The following PIGK variants were observed in gnomAD, a reference collection of about 807,000 sequenced individuals.
PIGK encodes GPI-anchor transamidase.
In PIGK, 42 loss-of-function variants were observed where a neutral mutation model predicts 50.6. That is an observed-to-expected ratio of 0.83 (90% CI 0.65 to 1.07). The LOEUF is 1.07. Among genes scored for constraint, PIGK ranks in the 50% least tolerant of loss-of-function variants. PIGK has a pLI of 0.00. For missense variants in PIGK, 448 were observed against 488.7 expected, an observed-to-expected ratio of 0.92 and a Z score of 0.78; for synonymous variants, 151 against 156.0, an observed-to-expected ratio of 0.97 and a Z score of 0.24.
intron 9 of PIGK, among the ~76,000 whole-genome samples, chr1:77,144,496 G>C (rs1442766948): frequency 6.6e-6 from 1 of 151,714 alleles, no homozygotes; most frequent in African/African-American, 2.4e-5. Context: ...ACATATTTAA[G>C]AATATTAATA....
intron 10 of PIGK, among the ~76,000 whole-genome samples, chr1:77,113,352 G>A (rs1172741857): frequency 4.6e-5 from 7 of 151,982 alleles, no homozygotes; most frequent in African/African-American, 1.7e-4. Context: ...ATTCTTTAGG[G>A]ATGTTTGTAT....
chr1:77,202,419 T>C (rs1214007395), intron 3 of PIGK, among the ~76,000 whole-genome samples: 1 of 151,954 alleles, frequency 6.6e-6, no homozygotes, highest in Non-Finnish European at 1.5e-5. Context: ...ATCAGAAAAC[T>C]AGAGGGGAAG....
intron 3 of PIGK, among the ~76,000 whole-genome samples, chr1:77,194,165 T>C (rs1322209532): frequency 2.0e-5 from 3 of 152,114 alleles, no homozygotes; most frequent in Non-Finnish European, 2.9e-5. Context: ...ATGACTATTA[T>C]GAAGTCAAAA....
At chr1:77,147,742 C>G (rs1654803774) in intron 9 of PIGK, among the ~76,000 whole-genome samples, 1 of 152,198 alleles carries the variant, frequency 6.6e-6, no homozygotes, top group Non-Finnish European at 1.5e-5. Flanking sequence ...TGTTTAAAAT[C>G]AAGTTACCTA....
intron 3 of PIGK, among the ~76,000 whole-genome samples, chr1:77,180,188 T>C (rs1316810069): frequency 2.0e-5 from 3 of 152,208 alleles, no homozygotes; most frequent in African/African-American, 7.2e-5. Context: ...CCATGCATGA[T>C]GATTCAACTC....
chr1:77,095,465 G>A (rs1162833314), intron 10 of PIGK, among the ~76,000 whole-genome samples: 1 of 152,136 alleles, frequency 6.6e-6, no homozygotes, highest in African/African-American at 2.4e-5. Context: ...TTATGCAGTA[G>A]AAAGATGGCT....
At chr1:77,165,995 T>C (rs182248563) in intron 5 of PIGK, among the ~76,000 whole-genome samples, 1 of 152,156 alleles carries the variant, frequency 6.6e-6, no homozygotes, top group East Asian at 1.9e-4. Flanking sequence ...GCAGGCAAAG[T>C]GGACTGAAAA....
intron 1 of PIGK, among the ~76,000 whole-genome samples, chr1:77,214,490 G>C (rs1656505514): frequency 6.6e-6 from 1 of 152,034 alleles, no homozygotes; most frequent in African/African-American, 2.4e-5. Flanking sequence ...ATTGGGTATA[G>C]AAGGAACACA....
At chr1:77,125,282 T>C (rs1229669106) in intron 9 of PIGK, among the ~76,000 whole-genome samples, 1 of 152,220 alleles carries the variant, frequency 6.6e-6, no homozygotes, top group African/African-American at 2.4e-5. Context: ...ACGGAAACAT[T>C]TAAAAGTGAG....
chr1:77,148,626 G>C (rs1654822927), intron 9 of PIGK, among the ~76,000 whole-genome samples: 1 of 151,994 alleles, frequency 6.6e-6, no homozygotes, highest in African/African-American at 2.4e-5. Flanking sequence ...TGTCGGGGGA[G>C]AGGGAGTTAA....
At chr1:77,208,942 T>C (rs913950373) in intron 2 of PIGK, among the ~76,000 whole-genome samples, 6 of 152,188 alleles carry the variant, frequency 3.9e-5, no homozygotes, top group Non-Finnish European at 7.4e-5. Context: ...AAGTTAATTA[T>C]AGTCTTGCAT....
intron 5 of PIGK, 54 bp from the exon 6 acceptor site, chr1:77,163,996 T>A: frequency 1.1e-6 from 1 of 900,380 alleles, no homozygotes; most frequent in South Asian, 1.5e-5. Flanking sequence ...ACTGCATATA[T>A]CTAGATATAT....
intron 10 of PIGK, among the ~76,000 whole-genome samples, chr1:77,108,710 C>T (rs776023106): frequency 8.1e-4 from 124 of 152,282 alleles, no homozygotes; most frequent in Non-Finnish European, 1.3e-3. Flanking sequence ...CCATTCTCCC[C>T]GTCACTTTCA....
intron 10 of PIGK, among the ~76,000 whole-genome samples, chr1:77,101,718 T>C (rs1269941381): frequency 1.3e-5 from 2 of 152,092 alleles, no homozygotes; most frequent in Non-Finnish European, 2.9e-5. Flanking sequence ...TAAAAAATAT[T>C]CTTTTGGCCA....
intron 10 of PIGK, among the ~76,000 whole-genome samples, chr1:77,093,370 A>G (rs1434976903): frequency 6.6e-6 from 1 of 152,054 alleles, no homozygotes; most frequent in East Asian, 1.9e-4. Flanking sequence ...CAGCCTTGTA[A>G]TTGGAAGTTT....
intron 1 of PIGK, among the ~76,000 whole-genome samples, chr1:77,215,665 A>G (rs982160010): frequency 3.9e-5 from 6 of 152,200 alleles, no homozygotes; most frequent in African/African-American, 1.4e-4. Context: ...TATAGCATCA[A>G]CCTGAGTGTC....
In PIGK at chr1:77,100,429, T is replaced by C. The variant is rs574156915; in HGVS notation, c.1072-7939A>G. On this transcript the variant is annotated intron_variant, in intron 10 of 10. Coordinates refer to ENST00000370812, the MANE Select transcript of PIGK (RefSeq NM_005482.3). The stretch of plus-strand genomic sequence containing the variant: ...ATTATATTAATAGTGTAAGTCAAAC[T>C]GTGGTAGGCAGAATGTAAGACAGCT... Among the ~76,000 whole-genome samples the C allele has an allele frequency of 2.0e-5, 3 of 152,308 alleles. No individual in the cohort carries two copies. The South Asian group carries it at 6.2e-4, about 32-fold the overall frequency.
Position 77,130,723 on chromosome 1 carries a change from G to T in PIGK, c.987-8364C>A, listed in dbSNP as rs568985244. Among the ~76,000 whole-genome samples, 7 of 152,140 alleles carry T rather than the reference G, an allele frequency of 4.6e-5. No individual in the cohort carries two copies. In the East Asian group the frequency reaches 1.4e-3, roughly 29 times the overall value. On this transcript the variant is annotated intron_variant, in intron 9 of 10. Transcript: ENST00000370812. Reference sequence around the variant, plus strand: ...TTTTTCTTCCTTTACTAGTCCACATGAATTTGATAGCCAGCTTATTACGTT... The same window carrying T: ...TTTTTCTTCCTTTACTAGTCCACATTAATTTGATAGCCAGCTTATTACGTT...
At position 77,091,334 on chromosome 1, in the gene PIGK, T is replaced by A. The variant is rs1305027472; in HGVS notation, c.*1040A>T. 2 of 152,188 alleles carry A rather than the reference T, an allele frequency of 1.3e-5. No homozygotes were observed. The highest frequency in any genetic ancestry group is 4.8e-5 in the African/African-American group (2 of 41,446). 9.4% of individuals were successfully genotyped at this position (152,188 alleles called of 1,614,324 possible). On this transcript the variant is annotated 3_prime_UTR_variant, in exon 11 of 11. Transcript: ENST00000370812. Reference sequence around the variant, plus strand: ...CTTACCAGAGACTAGAAAAGGGGCTTACTGCCTTATAGGATACATCAGCCA... The same window carrying A: ...CTTACCAGAGACTAGAAAAGGGGCTAACTGCCTTATAGGATACATCAGCCA...
Sources: gnomAD v4.1 joint callset for allele counts (sites outside exome capture counted in the v4.1 genomes callset) on GRCh38, gnomAD v4.1.1 for gene constraint, MANE v1.5 for transcripts, NCBI Gene and HGNC (gene_info 2026-07-23, HGNC 2026-07-21) for gene names.